Variants in EPC2 observed in about 807,000 individuals in gnomAD.
The protein encoded by EPC2 is enhancer of polycomb homolog 2.
Under a neutral mutation model 92.1 loss-of-function variants are expected in EPC2, and 14 were observed. That is an observed-to-expected ratio of 0.15 (90% CI 0.10 to 0.24). The LOEUF (loss-of-function observed/expected upper bound fraction) is 0.24. Ranked by LOEUF, EPC2 falls within the 10% of genes least tolerant of loss-of-function variation. EPC2 has a pLI of 1.00. For synonymous variants in EPC2, 340 were observed against 334.7 expected (o/e 1.02, Z -0.17); for missense variants, 755 against 971.5 (o/e 0.78, Z 2.96).
chr2:148,692,395 T>C (rs1681664369), intron 2 of EPC2: 1 of 152,572 alleles, frequency 6.6e-6, no homozygotes, highest in South Asian at 2.1e-4. Flanking sequence ...TTTTCTTTTG[T>C]GTTTTCAGAG....
chr2:148,651,584 C>T (rs544892688), intron 1 of EPC2, among the ~76,000 whole-genome samples: 3 of 152,218 alleles, frequency 2.0e-5, no homozygotes, highest in African/African-American at 7.2e-5. Flanking sequence ...AGATGAAAGA[C>T]CACTGAAGTA....
rs757094874 is a variant in EPC2, at chr2:148,691,608, T to G, written c.313+1235T>G. On this transcript the variant is annotated intron_variant, in intron 2 of 13. Coordinates refer to ENST00000258484, the MANE Select transcript of EPC2 (RefSeq NM_015630.4). ...TTGTTCTTCTAAAGAGAATTTTCAT[T>G]TGTTTCTGCCAGGCATTTGGGGACA... 5.2e-6 allele frequency: 8 copies of G among 1,550,386 alleles called. No homozygotes were observed. In the South Asian group the frequency reaches 8.3e-5, roughly 16 times the overall value.
In EPC2 at chr2:148,775,749, T is replaced by G. The variant is rs114223028; in HGVS notation, c.1720+4362T>G. On this transcript the variant is annotated intron_variant, in intron 10 of 13. Coordinates refer to ENST00000258484, the MANE Select transcript of EPC2 (RefSeq NM_015630.4). ...AATATCTTTAAATATCTTTAAATATTTAAAGAAATATTACCAATTTCTTTT... is the reference window on the plus strand; with the variant it reads ...AATATCTTTAAATATCTTTAAATATGTAAAGAAATATTACCAATTTCTTTT... Among the ~76,000 whole-genome samples, 687 of 116,950 alleles carry G rather than the reference T, an allele frequency of 5.9e-3. 6 individuals are homozygous for G. Among genetic ancestry groups the G allele is most frequent in the African/African-American group, 0.023 (642 of 28,228 alleles). The allele number at this position is 116,950 out of a possible 152,430, so 76.7% of individuals were successfully genotyped here.
chr2:148,760,046 C>T (rs1401276514), intron 4 of EPC2, among the ~76,000 whole-genome samples: 1 of 152,070 alleles, frequency 6.6e-6, no homozygotes, highest in East Asian at 1.9e-4. Context: ...AGTTTGAGAC[C>T]AGCCTGCTCA....
intron 1 of EPC2, among the ~76,000 whole-genome samples, chr2:148,677,927 C>G (rs531001373): frequency 6.6e-6 from 1 of 152,226 alleles, no homozygotes; most frequent in East Asian, 1.9e-4. Flanking sequence ...AAAGAGTGAG[C>G]AGTAGCAAGA....
chr2:148,660,340 G>T (rs35131468), intron 1 of EPC2, among the ~76,000 whole-genome samples: 14,517 of 152,134 alleles, frequency 0.095, 932 homozygotes, highest in South Asian at 0.16. Context: ...CATGGGCGTT[G>T]TAAGAGAATG....
At chr2:148,680,820 T>C (rs892445126) in intron 1 of EPC2, among the ~76,000 whole-genome samples, 1 of 152,150 alleles carries the variant, frequency 6.6e-6, no homozygotes, top group Admixed American at 6.5e-5. Flanking sequence ...ACTCAGGGAA[T>C]AGGAAGTAGA....
chr2:148,728,815 G>T (rs187211591), intron 2 of EPC2, among the ~76,000 whole-genome samples: 1 of 151,108 alleles, frequency 6.6e-6, no homozygotes, highest in Non-Finnish European at 1.5e-5. Flanking sequence ...GGCAGATCAC[G>T]AGGTCGGGAG....
intron 2 of EPC2, among the ~76,000 whole-genome samples, chr2:148,710,685 T>C (rs563804465): frequency 2.6e-5 from 4 of 151,278 alleles, no homozygotes; most frequent in Non-Finnish European, 1.5e-5. Flanking sequence ...TAATGAGTTA[T>C]GTCCTTTGTA....
chr2:148,645,262 G>C, intron 1 of EPC2, 92 bp downstream of exon 1: 1 of 1,133,718 alleles, frequency 8.8e-7, no homozygotes, highest in Non-Finnish European at 1.2e-6. Context: ...CTTTACGCTC[G>C]CTGGAGGGCG....
At chr2:148,730,797 A>G (rs2060170725) in intron 2 of EPC2, among the ~76,000 whole-genome samples, 1 of 152,228 alleles carries the variant, frequency 6.6e-6, no homozygotes, top group Non-Finnish European at 1.5e-5. Context: ...CCATTTTAGT[A>G]TATACTAGGA....
At chr2:148,684,092 T>G (rs1204483034) in intron 1 of EPC2, among the ~76,000 whole-genome samples, 1 of 152,240 alleles carries the variant, frequency 6.6e-6, no homozygotes, top group Non-Finnish European at 1.5e-5. Context: ...CAGTTTTGAT[T>G]TGCATTTCAC....
At chr2:148,710,210 A>G (rs1489218970) in intron 2 of EPC2, among the ~76,000 whole-genome samples, 1 of 152,266 alleles carries the variant, frequency 6.6e-6, no homozygotes, top group Non-Finnish European at 1.5e-5. Context: ...ACACTTTTCA[A>G]AAGAAGATAT....
chr2:148,752,523 A>G (rs1007977275), intron 3 of EPC2, among the ~76,000 whole-genome samples: 1 of 152,172 alleles, frequency 6.6e-6, no homozygotes, highest in East Asian at 1.9e-4. Flanking sequence ...TATCCACTTT[A>G]AGGACCAAAT....
intron 1 of EPC2, among the ~76,000 whole-genome samples, chr2:148,663,371 A>C (rs1680986826): frequency 6.6e-6 from 1 of 150,938 alleles, no homozygotes; most frequent in Non-Finnish European, 1.5e-5. Flanking sequence ...GGTGCCTGCC[A>C]CCACACCTGA....
chr2:148,699,137 AAAT>A (rs1681822170), intron 2 of EPC2, among the ~76,000 whole-genome samples: 1 of 152,196 alleles, frequency 6.6e-6, no homozygotes, highest in African/African-American at 2.4e-5. Context: ...TGTCAAGGAA[AAAT>A]AAGATTTTAG....
chr2:148,774,624 T>TATATATATA (rs935978031), intron 10 of EPC2, among the ~76,000 whole-genome samples: 2 of 132,570 alleles, frequency 1.5e-5, no homozygotes, highest in East Asian at 2.6e-4. Context: ...AAAATATATT[T>TATATATATA]TATATATATA....
At chr2:148,759,081 A>G (rs556830052) in intron 4 of EPC2, among the ~76,000 whole-genome samples, 1 of 152,212 alleles carries the variant, frequency 6.6e-6, no homozygotes, top group Non-Finnish European at 1.5e-5. Flanking sequence ...ACCAGGAAAA[A>G]ATGTATTGTT....
At chr2:148,650,717 A>G (rs912260480) in intron 1 of EPC2, among the ~76,000 whole-genome samples, 1 of 152,152 alleles carries the variant, frequency 6.6e-6, no homozygotes, top group African/African-American at 2.4e-5. Flanking sequence ...TACTATTGGC[A>G]CTAATATATT....
Sources: gnomAD v4.1 joint callset for allele counts (sites outside exome capture counted in the v4.1 genomes callset) on GRCh38, gnomAD v4.1.1 for gene constraint, MANE v1.5 for transcripts, NCBI Gene and HGNC (gene_info 2026-07-23, HGNC 2026-07-21) for gene names.